The following CSMD2 variants were observed in gnomAD, a reference collection of about 807,000 sequenced individuals.
The protein encoded by CSMD2 is CUB and Sushi multiple domains 2, also known as CUB and sushi domain-containing protein 2.
In CSMD2, 130 loss-of-function variants were observed where a neutral mutation model predicts 398.5. The ratio of observed to expected loss-of-function variants is 0.33; its 90% CI spans 0.28 to 0.38. The LOEUF is 0.38. Ranked by LOEUF, CSMD2 falls within the 10% of genes least tolerant of loss-of-function variation. The pLI is 1.00. For synonymous variants in CSMD2, 1,828 were observed against 1,908.5 expected (o/e 0.96, Z 1.10); for missense variants, 3,829 against 4,764.9 (o/e 0.80, Z 5.78).
intron 25 of CSMD2, among the ~76,000 whole-genome samples, chr1:33,682,299 T>C (rs1644933252): frequency 6.6e-6 from 1 of 152,182 alleles, no homozygotes; most frequent in East Asian, 1.9e-4. Flanking sequence ...CCCCTTCATT[T>C]CAAAATCCTT....
intron 3 of CSMD2, among the ~76,000 whole-genome samples, chr1:34,030,531 C>T (rs772050248): frequency 9.2e-5 from 14 of 152,186 alleles, no homozygotes; most frequent in Admixed American, 2.6e-4. Flanking sequence ...GATATACCCA[C>T]CCTCAGAATT....
chr1:34,033,717 T>C (rs6664931), intron 2 of CSMD2, among the ~76,000 whole-genome samples: 37,256 of 152,180 alleles, frequency 0.24, 5,114 homozygotes, highest in African/African-American at 0.35. Context: ...TTTTAGGTAA[T>C]TTGAAATATC....
chr1:33,802,123 T>A (rs527788651), intron 10 of CSMD2, among the ~76,000 whole-genome samples: 1 of 152,304 alleles, frequency 6.6e-6, no homozygotes, highest in South Asian at 2.1e-4. Context: ...GTCAGATTAA[T>A]ATTATAAGGA....
At chr1:34,027,502 C>A (rs771918163) in intron 3 of CSMD2, among the ~76,000 whole-genome samples, 28 of 152,212 alleles carry the variant, frequency 1.8e-4, no homozygotes, top group Non-Finnish European at 2.2e-4. Context: ...TTTGACCCAG[C>A]AATTGCACTT....
At chr1:33,959,183 T>G (rs529919733) in intron 3 of CSMD2, among the ~76,000 whole-genome samples, 2 of 152,342 alleles carry the variant, frequency 1.3e-5, no homozygotes, top group South Asian at 4.1e-4. Context: ...TGCTTCTCTT[T>G]GTTTATTCTG....
At chr1:34,159,754 G>A (rs1434247198) in intron 1 of CSMD2, among the ~76,000 whole-genome samples, 2 of 152,196 alleles carry the variant, frequency 1.3e-5, no homozygotes, top group Non-Finnish European at 2.9e-5. Context: ...GTGAATATGA[G>A]CTGTTATTAT....
In CSMD2 at chr1:34,165,206, A is replaced by AG. The variant is rs1641774696; in HGVS notation, c.-110dup. The stretch of plus-strand genomic sequence containing the variant: ...CTCGGAAAAAATCCCGGTACGCGGG[A>AG]GCCCTGAGCTTCTGCGGCTGGAATG... On this transcript the variant is annotated 5_prime_UTR_variant, in exon 1 of 71. Coordinates refer to ENST00000373381, the MANE Select transcript of CSMD2 (RefSeq NM_001281956.2). 1 of 1,163,784 alleles carries AG rather than the reference A, an allele frequency of 8.6e-7. No individual in the cohort carries two copies. The highest frequency in any genetic ancestry group is 4.3e-5 in the South Asian group (1 of 23,042). 72.1% of individuals were successfully genotyped at this position (1,163,784 alleles called of 1,614,324 possible).
In CSMD2 at chr1:33,562,866, T is replaced by G. The variant is rs564353707; in HGVS notation, c.8381-3393A>C. Among the ~76,000 whole-genome samples the G allele has an allele frequency of 2.2e-4, 34 of 152,362 alleles. No homozygotes were observed. The South Asian group carries it at 6.6e-3, about 30-fold the overall frequency. ...TGCCTTCAGACTTGAACTGTGATTC[T>G]TTCCTGGGTCTCTACCCTGCCAGCC... On this transcript the variant is annotated intron_variant, in intron 53 of 70. Transcript: ENST00000373381.
chr1:34,104,104 G>C (rs145698390), intron 1 of CSMD2, among the ~76,000 whole-genome samples: 183 of 152,312 alleles, frequency 1.2e-3, no homozygotes, highest in African/African-American at 4.1e-3. Flanking sequence ...GTAAAGATTA[G>C]ATGCTTTTCT....
intron 1 of CSMD2, among the ~76,000 whole-genome samples, chr1:34,113,908 A>G (rs1054277006): frequency 7.9e-5 from 12 of 152,216 alleles, no homozygotes; most frequent in Non-Finnish European, 1.2e-4. Context: ...TCCCCCTTGG[A>G]AAGGAAAGAG....
In CSMD2 at chr1:33,580,782, T is replaced by C; in HGVS notation, c.7358A>G (p.Asn2453Ser). The C allele has an allele frequency of 2.5e-6, 4 of 1,614,138 alleles. No homozygotes were observed. The highest frequency in any genetic ancestry group is 3.4e-6 in the Non-Finnish European group (4 of 1,180,020). Residue 2453 changes from asparagine (N) to serine (S), a missense_variant, in exon 48 of 71, where the codon AAT becomes AGT. By Grantham distance (46) the Asn-to-Ser change is conservative. Coordinates refer to ENST00000373381, the MANE Select transcript of CSMD2 (RefSeq NM_001281956.2). Reference sequence around the variant, plus strand: ...ATAGCGGATCTTGAAGCCCTTCCGATTGTAGGCGTGATCAGATGACCAACG... The same window carrying C: ...ATAGCGGATCTTGAAGCCCTTCCGACTGTAGGCGTGATCAGATGACCAACG... ...YLRWSSDHAY[N>S]RKGFKIRYSA...
chr1:33,778,972 T>C (rs759527019), intron 12 of CSMD2, among the ~76,000 whole-genome samples: 15 of 152,124 alleles, frequency 9.9e-5, no homozygotes, highest in Non-Finnish European at 1.9e-4. Context: ...ACCCCGTCTC[T>C]CCCTGCCTGA....
intron 16 of CSMD2, among the ~76,000 whole-genome samples, chr1:33,725,896 G>A (rs1301230784): frequency 1.3e-5 from 2 of 151,346 alleles, no homozygotes; most frequent in Non-Finnish European, 2.9e-5. Flanking sequence ...GGAGAGCTAA[G>A]GATGCTTTTT....
chr1:34,045,074 CACA>C (rs1558295512), intron 2 of CSMD2, among the ~76,000 whole-genome samples: 20 of 150,758 alleles, frequency 1.3e-4, no homozygotes, highest in South Asian at 1.0e-3. Flanking sequence ...CACACACACA[CACA>C]CCCCTACAAA....
intron 65 of CSMD2, among the ~76,000 whole-genome samples, chr1:33,526,647 G>T (rs374456309): frequency 1.1e-3 from 172 of 152,312 alleles, no homozygotes; most frequent in African/African-American, 3.9e-3. Context: ...TGACCAAAAT[G>T]GTACTCAAAT....
intron 21 of CSMD2, among the ~76,000 whole-genome samples, chr1:33,712,380 G>A (rs1212832189): frequency 3.9e-5 from 6 of 152,114 alleles, no homozygotes; most frequent in Admixed American, 2.0e-4. Context: ...TCTCCTTCTC[G>A]GCTGGAAATG....
intron 10 of CSMD2, among the ~76,000 whole-genome samples, chr1:33,796,137 T>C (rs1163227584): frequency 6.6e-6 from 1 of 152,268 alleles, no homozygotes; most frequent in East Asian, 1.9e-4. Flanking sequence ...CTGTAGGCTA[T>C]AGTTTGCTGA....
intron 15 of CSMD2, among the ~76,000 whole-genome samples, chr1:33,736,477 T>A (rs1646889723): frequency 6.7e-6 from 1 of 150,020 alleles, no homozygotes; most frequent in African/African-American, 2.5e-5. Context: ...AGACTCCGTC[T>A]CAAAGAAAAA....
chr1:33,891,696 A>G (rs1274315431), intron 5 of CSMD2, among the ~76,000 whole-genome samples: 1 of 152,034 alleles, frequency 6.6e-6, no homozygotes, highest in Non-Finnish European at 1.5e-5. Flanking sequence ...TGGCACATAT[A>G]CACCATGGAA....
Sources: allele counts gnomAD v4.1 joint callset (sites outside exome capture counted in the v4.1 genomes callset), GRCh38; gene constraint gnomAD v4.1.1; transcripts MANE v1.5; gene names NCBI Gene and HGNC (gene_info 2026-07-23, HGNC 2026-07-21).